Variants in FOCAD observed in about 807,000 individuals in gnomAD.
FOCAD encodes focadhesin, also known as KIAA1797.
In FOCAD, 198 loss-of-function variants were observed where a neutral mutation model predicts 225.6. That is an observed-to-expected ratio of 0.88 (90% CI 0.78 to 0.99). The LOEUF (loss-of-function observed/expected upper bound fraction) is 0.99, where lower values mean the gene tolerates loss of function less well. FOCAD is among the 50% of genes least tolerant of loss of function. The pLI is 0.00. For missense variants in FOCAD, 2,713 were observed against 2,123.6 expected (o/e 1.28, Z -5.46); for synonymous variants, 897 against 755.0 (o/e 1.19, Z -3.08).
rs993446186 is a variant in FOCAD, at chr9:20,720,460, G to A, written c.213G>A (p.Val71=). The A allele has an allele frequency of 3.1e-6, 5 of 1,613,942 alleles. No individual in the cohort carries two copies. The highest frequency in any genetic ancestry group is 4.2e-6 in the Non-Finnish European group (5 of 1,179,984). Residue 71 remains valine, a synonymous_variant, in exon 4 of 44, where the codon GTG becomes GTA. Coordinates refer to ENST00000338382, the MANE Select transcript of FOCAD (RefSeq NM_001375567.1). The part of the protein sequence containing the change: ...VVRTACCEGL[V]ALVAQDHAEF... Reference sequence around the variant, plus strand: ...GAACAGCCTGCTGTGAAGGTCTGGTGGCACTCGTTGCTCAGGATCATGCAG... The same window carrying A: ...GAACAGCCTGCTGTGAAGGTCTGGTAGCACTCGTTGCTCAGGATCATGCAG...
At chr9:20,778,918 A>G (rs927154581) in intron 9 of FOCAD, 150 bp downstream of exon 9, 11 of 507,598 alleles carry the variant, frequency 2.2e-5, no homozygotes, top group Non-Finnish European at 3.5e-5. Flanking sequence ...TTTCTTGTCT[A>G]ATAAGTTGTT....
At chr9:20,712,874 A>G (rs927460816) in intron 1 of FOCAD, among the ~76,000 whole-genome samples, 2 of 151,144 alleles carry the variant, frequency 1.3e-5, no homozygotes, top group Non-Finnish European at 2.9e-5. Flanking sequence ...CTGGGATTAT[A>G]GGTGCACACC....
intron 15 of FOCAD, among the ~76,000 whole-genome samples, chr9:20,848,921 CTT>C (rs1827381838): frequency 6.6e-6 from 1 of 151,170 alleles, no homozygotes. Context: ...GTATCTTTAT[CTT>C]TGCAAGTGTC....
intron 7 of FOCAD, among the ~76,000 whole-genome samples, chr9:20,767,734 C>G (rs983610598): frequency 6.9e-6 from 1 of 145,352 alleles, no homozygotes; most frequent in Non-Finnish European, 1.5e-5. Flanking sequence ...AGCCCTTTGT[C>G]AGATGAGTAG....
chr9:20,821,155 A>G (rs1170914450), intron 14 of FOCAD, 84 bp downstream of exon 14: 2 of 1,346,696 alleles, frequency 1.5e-6, no homozygotes, highest in Non-Finnish European at 2.0e-6. Flanking sequence ...AGAGGCAAGA[A>G]AAGATAGGCA....
At position 20,944,632 on chromosome 9, in the gene FOCAD, G is replaced by A. The variant is rs1216998240; in HGVS notation, c.3413G>A (p.Gly1138Asp). 4.3e-6 allele frequency: 7 copies of A among 1,611,800 alleles called. No individual in the cohort carries two copies. In the East Asian group the frequency reaches 1.6e-4, roughly 36 times the overall value. ...TATCTTTTTTGGCTTCCAAGCACGG[G>A]CTGTATATTGGGAGTTGGACTTGTT... Reference protein sequence around the residue: ...CFDTSLEYNTGCILGVGLVLS... With the variant: ...CFDTSLEYNTDCILGVGLVLS... The change falls in exon 29 of 44, where the codon GGC (glycine) becomes GAC (aspartate). Residue 1138 changes from glycine (G) to aspartate (D), a missense_variant. By Grantham distance (94) the Gly-to-Asp change is moderately conservative (BLOSUM62 -1). Transcript: ENST00000338382.
chr9:20,976,261 T>C, intron 35 of FOCAD, 159 bp from the exon 36 acceptor site: 1 of 585,028 alleles, frequency 1.7e-6, no homozygotes, highest in African/African-American at 1.9e-5. Flanking sequence ...TTCTGGCAAA[T>C]GGAGTTGAAA....
intron 30 of FOCAD, among the ~76,000 whole-genome samples, chr9:20,947,664 A>T (rs1837307413): frequency 6.6e-6 from 1 of 152,188 alleles, no homozygotes; most frequent in Non-Finnish European, 1.5e-5. Context: ...CATTAATACA[A>T]TTTAAAAAAA....
chr9:20,765,405 G>C (rs1161038600), intron 7 of FOCAD, among the ~76,000 whole-genome samples: 1 of 151,394 alleles, frequency 6.6e-6, no homozygotes, highest in East Asian at 1.9e-4. Flanking sequence ...CATTGGGACA[G>C]TAACAAGGAA....
intron 17 of FOCAD, among the ~76,000 whole-genome samples, chr9:20,866,245 A>T (rs1027142787): frequency 2.7e-5 from 4 of 147,486 alleles, no homozygotes; most frequent in Non-Finnish European, 6.1e-5. Context: ...TTATATTTTT[A>T]TATGGTCTTT....
At chr9:20,713,266 C>T (rs548672367) in intron 1 of FOCAD, among the ~76,000 whole-genome samples, 13 of 152,250 alleles carry the variant, frequency 8.5e-5, no homozygotes, top group African/African-American at 2.6e-4. Flanking sequence ...CATTCTTTTC[C>T]TCCTTCACTC....
At chr9:20,975,265 C>T (rs956867672) in intron 35 of FOCAD, among the ~76,000 whole-genome samples, 8 of 152,158 alleles carry the variant, frequency 5.3e-5, no homozygotes, top group African/African-American at 1.9e-4. Flanking sequence ...TATGTTTGCA[C>T]TCACAAATGC....
chr9:20,800,252 C>G (rs1821644605), intron 11 of FOCAD, among the ~76,000 whole-genome samples: 1 of 152,056 alleles, frequency 6.6e-6, no homozygotes, highest in African/African-American at 2.4e-5. Context: ...TGTGGGTATC[C>G]CGACCTTTCT....
Position 20,725,015 on chromosome 9 carries a change from C to A in FOCAD, c.287+4481C>A, listed in dbSNP as rs550169132. ...GTAACCCTGTCTCTAACTAAAAATA[C>A]AAAAAAAATTAGCTGGGCTTGGTGA... On this transcript the variant is annotated intron_variant, in intron 4 of 43. Transcript: ENST00000338382. 1.5e-3 allele frequency among the ~76,000 whole-genome samples: 224 copies of A among 151,932 alleles called. 1 individual carries two copies. Among genetic ancestry groups the A allele is most frequent in the African/African-American group, 5.1e-3 (213 of 41,450 alleles).
chr9:20,969,639 A>T (rs1839582991), intron 35 of FOCAD, among the ~76,000 whole-genome samples: 1 of 151,772 alleles, frequency 6.6e-6, no homozygotes, highest in African/African-American at 2.4e-5. Flanking sequence ...ATTTATAATC[A>T]TTGTTTTATG....
chr9:20,767,511 G>A lies in FOCAD; in HGVS notation c.699+2438G>A, dbSNP rs376177673. 5.3e-5 allele frequency among the ~76,000 whole-genome samples: 8 copies of A among 151,570 alleles called. No homozygotes were observed. In the East Asian group the frequency reaches 5.8e-4, roughly 11 times the overall value. On this transcript the variant is annotated intron_variant, in intron 7 of 43. Coordinates refer to ENST00000338382, the MANE Select transcript of FOCAD (RefSeq NM_001375567.1). ...GTTGTTTCCTGACTTTTTAATGATCGCCATTCTAACTGGTGTGAGATGGTA... is the reference window on the plus strand; with the variant it reads ...GTTGTTTCCTGACTTTTTAATGATCACCATTCTAACTGGTGTGAGATGGTA...
chr9:20,700,199 G>A (rs1321223911), intron 1 of FOCAD, among the ~76,000 whole-genome samples: 12 of 151,862 alleles, frequency 7.9e-5, no homozygotes. Flanking sequence ...ATACACAGAG[G>A]TGATACTGTG....
intron 1 of FOCAD, among the ~76,000 whole-genome samples, chr9:20,697,304 T>C (rs1169422895): frequency 6.6e-6 from 1 of 152,218 alleles, no homozygotes; most frequent in Admixed American, 6.5e-5. Flanking sequence ...TCTCTATTCT[T>C]CCTAGAAGCC....
intron 21 of FOCAD, among the ~76,000 whole-genome samples, chr9:20,906,088 T>C (rs935432861): frequency 2.6e-5 from 4 of 152,010 alleles, no homozygotes; most frequent in African/African-American, 9.7e-5. Context: ...CACAGACTGA[T>C]TGATAATCTC....
Sources: gnomAD v4.1 joint callset for allele counts (sites outside exome capture counted in the v4.1 genomes callset) on GRCh38, gnomAD v4.1.1 for gene constraint, MANE v1.5 for transcripts, NCBI Gene and HGNC (gene_info 2026-07-23, HGNC 2026-07-21) for gene names.